The following BNC2 variants were observed in gnomAD, a reference collection of about 807,000 sequenced individuals.
The protein encoded by BNC2 is basonuclin zinc finger protein 2.
A neutral mutation model predicts 76.3 loss-of-function variants in BNC2; 20 were observed. That is an observed-to-expected ratio of 0.26 (90% confidence interval 0.18 to 0.38). The LOEUF (loss-of-function observed/expected upper bound fraction) is 0.38, where lower values mean the gene tolerates loss of function less well. Among genes scored for constraint, BNC2 ranks in the 10% least tolerant of loss-of-function variants. The pLI is 1.00. For synonymous variants in BNC2, 582 were observed against 514.8 expected (o/e 1.13, Z -1.77); for missense variants, 1,382 against 1,399.8 (o/e 0.99, Z 0.20).
intron 4 of BNC2, chr9:16,579,930 G>GT (rs1819585616): frequency 2.5e-6 from 1 of 395,694 alleles, no homozygotes; most frequent in South Asian, 1.4e-4. Context: ...CATAATGACA[G>GT]GTAGAATGCA....
At chr9:16,636,365 C>T (rs1432248618) in intron 3 of BNC2, among the ~76,000 whole-genome samples, 1 of 152,016 alleles carries the variant, frequency 6.6e-6, no homozygotes, top group Non-Finnish European at 1.5e-5. Flanking sequence ...TGCAGTGGCA[C>T]AATCACAGCT....
chr9:16,475,671 T>C (rs1821913268), intron 5 of BNC2, among the ~76,000 whole-genome samples: 1 of 152,200 alleles, frequency 6.6e-6, no homozygotes, highest in Non-Finnish European at 1.5e-5. Context: ...ACAGTGTCTT[T>C]TATCCCCTTT....
At chr9:16,451,943 C>A (rs1048341112) in intron 5 of BNC2, among the ~76,000 whole-genome samples, 1 of 152,118 alleles carries the variant, frequency 6.6e-6, no homozygotes, top group African/African-American at 2.4e-5. Flanking sequence ...TTTGTCTTTA[C>A]ATAGAAGGAA....
intron 5 of BNC2, among the ~76,000 whole-genome samples, chr9:16,519,379 G>A (rs943738): frequency 0.33 from 50,706 of 152,096 alleles, 8,920 homozygotes; most frequent in South Asian, 0.48. Flanking sequence ...GATAGGAATT[G>A]GAGCTTTTAT....
chr9:16,450,683 A>T (rs527822702), intron 5 of BNC2, among the ~76,000 whole-genome samples: 2 of 152,372 alleles, frequency 1.3e-5, no homozygotes, highest in East Asian at 3.9e-4. Context: ...CATGTACACC[A>T]TACAGTAACT....
chr9:16,568,945 A>G (rs941907017), intron 4 of BNC2, among the ~76,000 whole-genome samples: 21 of 152,096 alleles, frequency 1.4e-4, no homozygotes, highest in African/African-American at 4.8e-4. Context: ...CAACTTTCTA[A>G]CTGTAACTGT....
intron 1 of BNC2, among the ~76,000 whole-genome samples, chr9:16,870,366 G>C (rs1586949892): frequency 1.3e-5 from 2 of 151,994 alleles, no homozygotes; most frequent in Admixed American, 6.5e-5. Flanking sequence ...AGCCGCGAGC[G>C]GGGCCGACCT....
chr9:16,552,017 T>C (rs1204556780), intron 5 of BNC2, among the ~76,000 whole-genome samples: 2 of 152,196 alleles, frequency 1.3e-5, no homozygotes, highest in East Asian at 3.9e-4. Flanking sequence ...TTACTGGTTA[T>C]ATAAGTTTAT....
intron 3 of BNC2, among the ~76,000 whole-genome samples, chr9:16,668,800 T>A (rs1822381917): frequency 6.6e-6 from 1 of 152,184 alleles, no homozygotes; most frequent in South Asian, 2.1e-4. Context: ...CCAGTGAATA[T>A]CAATTTTTTT....
chr9:16,681,271 C>T (rs545398400), intron 3 of BNC2, among the ~76,000 whole-genome samples: 2 of 152,128 alleles, frequency 1.3e-5, no homozygotes, highest in Non-Finnish European at 2.9e-5. Flanking sequence ...TAATTTCATA[C>T]GGTGAAGTCA....
intron 3 of BNC2, among the ~76,000 whole-genome samples, chr9:16,584,286 C>A (rs1023449974): frequency 2.0e-5 from 3 of 152,144 alleles, no homozygotes; most frequent in Non-Finnish European, 4.4e-5. Flanking sequence ...ATTTCTGGAA[C>A]CATTAGGATT....
intron 5 of BNC2, among the ~76,000 whole-genome samples, chr9:16,482,252 T>A (rs1822072341): frequency 6.6e-6 from 1 of 152,204 alleles, no homozygotes; most frequent in African/African-American, 2.4e-5. Flanking sequence ...GATTGCATCA[T>A]AAAGGATACT....
intron 3 of BNC2, among the ~76,000 whole-genome samples, chr9:16,624,254 A>C (rs943168451): frequency 2.9e-4 from 44 of 152,174 alleles, no homozygotes; most frequent in African/African-American, 1.0e-3. Flanking sequence ...CTCATACCAC[A>C]GGGCTATGAA....
intron 5 of BNC2, among the ~76,000 whole-genome samples, chr9:16,444,402 G>C (rs1421364182): frequency 6.6e-6 from 1 of 152,048 alleles, no homozygotes; most frequent in East Asian, 1.9e-4. Context: ...ACACACCTTC[G>C]CAGACACTCT....
intron 5 of BNC2, among the ~76,000 whole-genome samples, chr9:16,515,553 A>T (rs1822857484): frequency 6.6e-6 from 1 of 151,886 alleles, no homozygotes; most frequent in South Asian, 2.1e-4. Flanking sequence ...CCCGTTAAAG[A>T]TCTGACGCTT....
chr9:16,683,998 G>C (rs1436165672), intron 3 of BNC2, among the ~76,000 whole-genome samples: 2 of 152,032 alleles, frequency 1.3e-5, no homozygotes, highest in Non-Finnish European at 2.9e-5. Context: ...CCACAATCTG[G>C]TTCATCTACA....
intron 5 of BNC2, among the ~76,000 whole-genome samples, chr9:16,542,674 G>C (rs890193169): frequency 6.6e-6 from 1 of 152,204 alleles, no homozygotes; most frequent in African/African-American, 2.4e-5. Flanking sequence ...ATCAGGCCTA[G>C]ATGTGGCCTA....
At chr9:16,538,166 G>A (rs1057075038) in intron 5 of BNC2, among the ~76,000 whole-genome samples, 7 of 152,150 alleles carry the variant, frequency 4.6e-5, no homozygotes, top group Non-Finnish European at 8.8e-5. Flanking sequence ...AGATGGTACT[G>A]CCTGAAGGTT....
chr9:16,758,205 A>G (rs1169651903), intron 1 of BNC2, among the ~76,000 whole-genome samples: 1 of 152,096 alleles, frequency 6.6e-6, no homozygotes, highest in Non-Finnish European at 1.5e-5. Flanking sequence ...TTCCATGGTC[A>G]TCTCTCTCTG....
Sources: allele counts gnomAD v4.1 joint callset (sites outside exome capture counted in the v4.1 genomes callset), GRCh38; gene constraint gnomAD v4.1.1; transcripts MANE v1.5; gene names NCBI Gene and HGNC (gene_info 2026-07-23, HGNC 2026-07-21).